The following ZNF816 variants were observed in gnomAD, a reference collection of about 807,000 sequenced individuals.
ZNF816 encodes zinc finger protein 816A.
ZNF816 carries 11 observed loss-of-function variants against 8.3 expected under a neutral mutation model. That is an observed-to-expected ratio of 1.32 (90% CI 0.83 to 2.19). The LOEUF (loss-of-function observed/expected upper bound fraction) is 2.19. Ranked by LOEUF, ZNF816 falls within the 30% of genes most tolerant of loss-of-function variation. The pLI, the probability that ZNF816 is intolerant of heterozygous loss-of-function variation, is 0.00. For missense variants in ZNF816, 710 were observed against 779.3 expected (o/e 0.91, Z 1.06); for synonymous variants, 255 against 254.5 (o/e 1.00, Z -0.02).
Position 52,950,419 on chromosome 19 carries a change from T to C in ZNF816, c.1356A>G (p.Pro452=). ...EHQRVHTGEK[P]YKCNKCGRSF... ...TCCTGCCACATTTATTACACTTGTA[T>C]GGTTTCTCTCCAGTATGAACTCTCT... The change falls in exon 4 of 4, where the codon CCA becomes CCG. Residue 452 remains proline, a synonymous_variant. Transcript: ENST00000444460. The C allele has an allele frequency of 5.6e-6, 9 of 1,605,888 alleles. No homozygotes were observed. The highest frequency in any genetic ancestry group is 7.6e-6 in the Non-Finnish European group (9 of 1,177,170).
At position 52,949,429 on chromosome 19, in the gene ZNF816, A is replaced by G. The variant is rs1330074750; in HGVS notation, c.*390T>C. On this transcript the variant is annotated 3_prime_UTR_variant, in exon 4 of 4. Transcript: ENST00000444460. Reference sequence around the variant, plus strand: ...CATTTTATTTGGAACAATTATCTCAAAAATGAATTTTCTGATGTTCTGCAT... The same window carrying G: ...CATTTTATTTGGAACAATTATCTCAGAAATGAATTTTCTGATGTTCTGCAT... 3.3e-6 allele frequency: 1 copy of G among 304,126 alleles called. No homozygotes were observed. The highest frequency in any genetic ancestry group is 7.4e-5 in the East Asian group (1 of 13,540). The allele number at this position is 304,126 out of a possible 1,614,324, so 18.8% of individuals were successfully genotyped here.
rs1318249674 is a variant in ZNF816, at chr19:52,957,470, G to A, written c.-15-1366C>T. On this transcript the variant is annotated intron_variant, in intron 1 of 3. Transcript: ENST00000444460. The surrounding 1 kb of genome is among the most constrained non-coding windows in gnomAD (Gnocchi z 4.6). Reference sequence around the variant, plus strand: ...TGCCCTCAGCTAAAAGGAAAACAAGGTGGCTCAGAGCAGGAGGCCCCAGAA... The same window carrying A: ...TGCCCTCAGCTAAAAGGAAAACAAGATGGCTCAGAGCAGGAGGCCCCAGAA... 6.6e-6 allele frequency among the ~76,000 whole-genome samples: 1 copy of A among 152,184 alleles called. No individual in the cohort carries two copies. Among genetic ancestry groups the A allele is most frequent in the Non-Finnish European group, 1.5e-5 (1 of 68,028 alleles).
intron 1 of ZNF816, among the ~76,000 whole-genome samples, chr19:52,961,476 AC>A (rs1443545712): frequency 6.6e-6 from 1 of 152,234 alleles, no homozygotes; most frequent in Non-Finnish European, 1.5e-5. Flanking sequence ...TAGAAAAATG[AC>A]AAAAAAGACC....
At position 52,950,867 on chromosome 19, in the gene ZNF816, T is replaced by C. The variant is rs762312487; in HGVS notation, c.908A>G (p.His303Arg). ...TFTQMSSLVC[H>R]RRLHTGEKPY... The stretch of plus-strand genomic sequence containing the variant: ...TTTCTCTCCAGTATGAAGTCTACGA[T>C]GGCATACAAGGGATGACATCTGAGT... The change falls in exon 4 of 4, where the codon CAT (histidine) becomes CGT (arginine). Residue 303 changes from histidine (H) to arginine (R), a missense_variant. His to Arg is a conservative substitution (Grantham distance 29, BLOSUM62 0). Transcript: ENST00000444460. 2 of 1,614,216 alleles carry C rather than the reference T, an allele frequency of 1.2e-6. No individual in the cohort carries two copies. The highest frequency in any genetic ancestry group is 1.7e-5 in the Admixed American group (1 of 60,026).
chr19:52,962,587 G>A (rs977893723), intron 1 of ZNF816, 140 bp downstream of exon 1: 8 of 152,250 alleles, frequency 5.3e-5, no homozygotes, highest in African/African-American at 1.9e-4. Context: ...CGCGAGGCGG[G>A]AGGACGCGTC....
At chr19:52,952,522 A>G (rs964818555) in intron 3 of ZNF816, 1 of 704,790 alleles carries the variant, frequency 1.4e-6, no homozygotes, top group African/African-American at 1.9e-5. Flanking sequence ...ATGATGTTCA[A>G]TTGTATTAGT....
Position 52,949,761 on chromosome 19 carries a change from A to T in ZNF816, c.*58T>A. The T allele has an allele frequency of 6.2e-7, 1 of 1,609,302 alleles. No homozygotes were observed. Among genetic ancestry groups the T allele is most frequent in the South Asian group, 1.1e-5 (1 of 90,616 alleles). On this transcript the variant is annotated 3_prime_UTR_variant, in exon 4 of 4. Coordinates refer to ENST00000444460, the MANE Select transcript of ZNF816 (RefSeq NM_001202457.3). ...TTACACTTGTAGATCTCTCTTCAAT[A>T]TGGATTCTGTAATGATTTGCAATGG...
rs1185290716 is a variant in ZNF816, at chr19:52,950,602, G to T, written c.1173C>A (p.His391Gln). 6.2e-7 allele frequency: 1 copy of T among 1,614,030 alleles called. No homozygotes were observed. Among genetic ancestry groups the T allele is most frequent in the African/African-American group, 1.3e-5 (1 of 75,018 alleles). The change falls in exon 4 of 4, where the codon CAC (histidine) becomes CAA (glutamine). Residue 391 changes from histidine to glutamine, a missense_variant. His to Gln is a conservative substitution (Grantham distance 24). Coordinates refer to ENST00000444460, the MANE Select transcript of ZNF816 (RefSeq NM_001202457.3). ...CACATTTGTAAGGTTTCTCTCCAGT[G>T]TGAAGTATATGATGGCATTGAAGGG... ...KSSLQCHHIL[H>Q]TGEKPYKCEE...
chr19:52,950,891 G>A lies in ZNF816; in HGVS notation c.884C>T (p.Thr295Ile), dbSNP rs756522759. Residue 295 changes from threonine (T) to isoleucine (I), a missense_variant, in exon 4 of 4, where the codon ACT (threonine) becomes ATT (isoleucine). Transcript: ENST00000444460. ...YKCNECGKTF[T>I]QMSSLVCHRR... ...ATGGCATACAAGGGATGACATCTGA[G>A]TGAAGGTCTTCCCACACTCATTACA... 1.9e-6 allele frequency: 3 copies of A among 1,613,654 alleles called. No homozygotes were observed. The South Asian group carries it at 3.3e-5, about 18-fold the overall frequency.
At position 52,950,913 on chromosome 19, in the gene ZNF816, T is replaced by C. The variant is rs1421488874; in HGVS notation, c.862A>G (p.Asn288Asp). The change falls in exon 4 of 4, where the codon AAT becomes GAT. Residue 288 changes from asparagine (N) to aspartate (D), a missense_variant. Asn to Asp is a conservative substitution (Grantham distance 23). Transcript: ENST00000444460. ...TGAGTGAAGGTCTTCCCACACTCATTACACTTGTAAGTTTTCTCACCAGTG... is the reference window on the plus strand; with the variant it reads ...TGAGTGAAGGTCTTCCCACACTCATCACACTTGTAAGTTTTCTCACCAGTG... Reference protein sequence around the residue: ...CHTGEKTYKCNECGKTFTQMS... With the variant: ...CHTGEKTYKCDECGKTFTQMS... The C allele has an allele frequency of 6.2e-7, 1 of 1,614,084 alleles. No individual in the cohort carries two copies. The highest frequency in any genetic ancestry group is 1.7e-5 in the Admixed American group (1 of 60,014).
chr19:52,957,629 A>G lies in ZNF816; in HGVS notation c.-15-1525T>C, dbSNP rs73055071. Among the ~76,000 whole-genome samples, 7,834 of 152,272 alleles carry G rather than the reference A, an allele frequency of 0.051. 282 individuals carry two copies. The highest frequency in any genetic ancestry group is 0.076 in the Non-Finnish European group (5,155 of 68,010). On this transcript the variant is annotated intron_variant, in intron 1 of 3. Transcript: ENST00000444460. This position sits in a 1 kb window ranked among gnomAD's most constrained non-coding sequence, Gnocchi z 4.6. The stretch of plus-strand genomic sequence containing the variant: ...TTTCGTATTGATACCAGTGCTGAAC[A>G]TTCAGTAGTAACCGCCCCGGTTGCC...
chr19:52,960,658 C>T (rs184503948), intron 1 of ZNF816, among the ~76,000 whole-genome samples: 231 of 152,288 alleles, frequency 1.5e-3, no homozygotes, highest in South Asian at 2.5e-3. Flanking sequence ...CTCTTTCTCC[C>T]CGGGTGATTG....
chr19:52,953,696 ATAT>A (rs1165515120), intron 2 of ZNF816, among the ~76,000 whole-genome samples: 4 of 140,344 alleles, frequency 2.9e-5, no homozygotes, highest in African/African-American at 1.1e-4. Context: ...TATAATAAAT[ATAT>A]TATTAAATAA....
rs2083434199 is a variant in ZNF816 at position 52,949,415 on chromosome 19, G to A, written c.*404C>T. 1 of 291,986 alleles carries A rather than the reference G, an allele frequency of 3.4e-6. No individual in the cohort carries two copies. The highest frequency in any genetic ancestry group is 4.0e-5 in the South Asian group (1 of 25,200). The allele number at this position is 291,986 out of a possible 1,614,324, so 18.1% of individuals were successfully genotyped here. A position where few individuals can be genotyped will look rare whatever the true frequency, so the allele number is the denominator to read the frequency against. On this transcript the variant is annotated 3_prime_UTR_variant, in exon 4 of 4. Transcript: ENST00000444460. ...TGATTTTTTATATTCATTTTATTTG[G>A]AACAATTATCTCAAAAATGAATTTT...
chr19:52,960,006 G>C (rs73584444), intron 1 of ZNF816: 3,621 of 153,062 alleles, frequency 0.024, 131 homozygotes, highest in African/African-American at 0.082. Flanking sequence ...GGAAGGATCC[G>C]GTCACCAAAT....
At chr19:52,955,967 CA>C in intron 2 of ZNF816, 59 bp downstream of exon 2, 1 of 1,571,430 alleles carries the variant, frequency 6.4e-7, no homozygotes, top group Non-Finnish European at 8.6e-7. Flanking sequence ...TTGGCTACTA[CA>C]ATACCTGGCA....
At position 52,949,679 on chromosome 19, in the gene ZNF816, T is replaced by A. The variant is rs927310386; in HGVS notation, c.*140A>T. On this transcript the variant is annotated 3_prime_UTR_variant, in exon 4 of 4. Transcript: ENST00000444460. The stretch of plus-strand genomic sequence containing the variant: ...ATATTTGTAAGGTTTCTCTCCAGTA[T>A]GAGTTCACTGATGAACTACAAGTTA... 3 of 1,269,212 alleles carry A rather than the reference T, an allele frequency of 2.4e-6. No individual in the cohort carries two copies. The African/African-American group carries it at 4.4e-5, about 19-fold the overall frequency. 78.6% of individuals were successfully genotyped at this position (1,269,212 alleles called of 1,614,324 possible).
chr19:52,951,669 A>G, intron 3 of ZNF816, 85 bp from the exon 4 acceptor site: 5 of 1,256,696 alleles, frequency 4.0e-6, no homozygotes, highest in Non-Finnish European at 5.5e-6. Flanking sequence ...AAATTACACA[A>G]AAAGCAATAC....
intron 1 of ZNF816, among the ~76,000 whole-genome samples, chr19:52,958,378 G>C (rs1600726234): frequency 6.6e-6 from 1 of 152,306 alleles, no homozygotes; most frequent in Non-Finnish European, 1.5e-5. Flanking sequence ...CTCAGAGCCA[G>C]AAGCTGTTTG....
Sources: gnomAD v4.1 joint callset for allele counts (sites outside exome capture counted in the v4.1 genomes callset) on GRCh38, gnomAD v4.1.1 for gene constraint, Gnocchi (gnomAD v3.1) non-coding constraint, MANE v1.5 for transcripts, NCBI Gene and HGNC (gene_info 2026-07-23, HGNC 2026-07-21) for gene names.